The following ATXN10 variants were observed in gnomAD, a reference collection of about 807,000 sequenced individuals.
The protein encoded by ATXN10 is ataxin-10.
Under a neutral mutation model 52.9 loss-of-function variants are expected in ATXN10, and 28 were observed. That is an observed-to-expected ratio of 0.53 (90% CI 0.39 to 0.73). The LOEUF is 0.73. Among genes scored for constraint, ATXN10 ranks in the 30% least tolerant of loss-of-function variants. The pLI is 0.00. For missense variants in ATXN10, 565 were observed against 577.0 expected (o/e 0.98, Z 0.21); for synonymous variants, 226 against 221.5 (o/e 1.02, Z -0.18).
At chr22:45,764,561 T>C (rs1367475422) in intron 9 of ATXN10, among the ~76,000 whole-genome samples, 1 of 152,196 alleles carries the variant, frequency 6.6e-6, no homozygotes, top group African/African-American at 2.4e-5. Flanking sequence ...TCGTTGACTT[T>C]TTACCCCATC....
At chr22:45,694,630 A>G (rs1923519475) in intron 3 of ATXN10, among the ~76,000 whole-genome samples, 1 of 152,130 alleles carries the variant, frequency 6.6e-6, no homozygotes, top group African/African-American at 2.4e-5. Context: ...AAAAATACAA[A>G]AATTAGCTGG....
intron 9 of ATXN10, among the ~76,000 whole-genome samples, chr22:45,799,311 T>C (rs1246583144): frequency 6.6e-6 from 1 of 152,218 alleles, no homozygotes; most frequent in Non-Finnish European, 1.5e-5. Flanking sequence ...ATAGCTGTTA[T>C]GGGTTGAATT....
rs545676567 is a variant in ATXN10 at position 45,762,767 on chromosome 22, C to T, written c.1173+22229C>T. ...CCCAGCCATCTCTCCACATCCTCCCCTCCCTGCTGTGGAGCCCCCACTGAC... is the reference window on the plus strand; with the variant it reads ...CCCAGCCATCTCTCCACATCCTCCCTTCCCTGCTGTGGAGCCCCCACTGAC... On this transcript the variant is annotated intron_variant, in intron 9 of 11. Transcript: ENST00000252934. The surrounding 1 kb of genome is among the most constrained non-coding windows in gnomAD (Gnocchi z 4.3). 2.6e-5 allele frequency among the ~76,000 whole-genome samples: 4 copies of T among 152,234 alleles called. No homozygotes were observed. The highest frequency in any genetic ancestry group is 4.4e-5 in the Non-Finnish European group (3 of 68,036).
chr22:45,814,673 C>T (rs1460657318), intron 10 of ATXN10, among the ~76,000 whole-genome samples: 1 of 152,228 alleles, frequency 6.6e-6, no homozygotes, highest in East Asian at 1.9e-4. Context: ...CTCATCCCCT[C>T]AGCCGCAGAC....
rs915178115 is a variant in ATXN10 at position 45,763,036 on chromosome 22, C to T, written c.1173+22498C>T. ...AAGAAGCGCTTTGTAAAGCCATGGC[C>T]TCTCCTGCGCAAAGAACTGCGTGGT... On this transcript the variant is annotated intron_variant, in intron 9 of 11. Coordinates refer to ENST00000252934, the MANE Select transcript of ATXN10 (RefSeq NM_013236.4). This position sits in a 1 kb window ranked among gnomAD's most constrained non-coding sequence, Gnocchi z 6.9. 2.6e-5 allele frequency among the ~76,000 whole-genome samples: 4 copies of T among 152,214 alleles called. No homozygotes were observed. Among genetic ancestry groups the T allele is most frequent in the Non-Finnish European group, 5.9e-5 (4 of 68,046 alleles).
chr22:45,672,193 C>T lies in ATXN10; in HGVS notation c.116+14C>T, dbSNP rs557290526. On this transcript the variant is annotated intron_variant, in intron 1 of 11. Coordinates refer to ENST00000252934, the MANE Select transcript of ATXN10 (RefSeq NM_013236.4). ...GCAGCGGAACCGGTAACGGGTCCGG[C>T]CGGGGGGCTGCCCCGGGCAGGGGAG... 9.2e-5 allele frequency: 140 copies of T among 1,524,132 alleles called. No homozygotes were observed. Among genetic ancestry groups the T allele is most frequent in the Admixed American group, 3.4e-4 (17 of 50,176 alleles). The allele number at this position is 1,524,132 out of a possible 1,614,324, so 94.4% of individuals were successfully genotyped here.
intron 1 of ATXN10, chr22:45,680,229 C>T (rs1477540320): frequency 6.6e-6 from 1 of 152,194 alleles, no homozygotes; most frequent in African/African-American, 2.4e-5. Context: ...CAGTGTCTGG[C>T]ACCTAATAGA....
At chr22:45,751,763 A>AAAAAAAAAAAATAATAATAAT in intron 9 of ATXN10, among the ~76,000 whole-genome samples, 19 of 66,606 alleles carry the variant, frequency 2.9e-4, no homozygotes, top group South Asian at 7.5e-4. Flanking sequence ...AATAAAAAAA[A>AAAAAAAAAAAATAATAATAAT]AATAATAATA....
chr22:45,735,905 A>G (rs2146797039), intron 7 of ATXN10, among the ~76,000 whole-genome samples: 1 of 141,478 alleles, frequency 7.1e-6, no homozygotes, highest in Admixed American at 7.5e-5. Flanking sequence ...CATTTTACTC[A>G]TTAATCTTAT....
chr22:45,759,561 G>A lies in ATXN10; in HGVS notation c.1173+19023G>A, dbSNP rs566956989. ...GCAGTCTGATCAGGGTGAGGGTTCC[G>A]TACTCTTCTTGTGCCATGAAGCAGG... is the stretch of plus-strand genomic sequence containing the variant. On this transcript the variant is annotated intron_variant, in intron 9 of 11. Transcript: ENST00000252934. The surrounding 1 kb of genome is among the most constrained non-coding windows in gnomAD (Gnocchi z 5.4). Among the ~76,000 whole-genome samples, 102 of 152,212 alleles carry A rather than the reference G, an allele frequency of 6.7e-4. No individual in the cohort carries two copies. Among genetic ancestry groups the A allele is most frequent in the African/African-American group, 2.2e-3 (93 of 41,540 alleles).
At chr22:45,743,395 T>TC (rs1228763484) in intron 9 of ATXN10, among the ~76,000 whole-genome samples, 1 of 152,238 alleles carries the variant, frequency 6.6e-6, no homozygotes, top group African/African-American at 2.4e-5. Context: ...AAATCCTTGT[T>TC]CCAGCTGGGT....
At chr22:45,797,696 A>T (rs905056750) in intron 9 of ATXN10, among the ~76,000 whole-genome samples, 2 of 152,210 alleles carry the variant, frequency 1.3e-5, no homozygotes, top group Non-Finnish European at 2.9e-5. Flanking sequence ...AAAGATAAGA[A>T]TGGAAATCTT....
intron 5 of ATXN10, among the ~76,000 whole-genome samples, chr22:45,716,525 C>T (rs1195203812): frequency 6.6e-6 from 1 of 151,636 alleles, no homozygotes; most frequent in Non-Finnish European, 1.5e-5. Flanking sequence ...TTTTTGGTAG[C>T]GATGGGGTTT....
At chr22:45,679,957 T>G (rs2146725807) in intron 1 of ATXN10, 1 of 152,364 alleles carries the variant, frequency 6.6e-6, no homozygotes, top group Middle Eastern at 3.4e-3. Flanking sequence ...GTTAGGATTG[T>G]GACCACCAGT....
At chr22:45,832,771 TAGAAA>T (rs572105619) in intron 10 of ATXN10, among the ~76,000 whole-genome samples, 7 of 152,356 alleles carry the variant, frequency 4.6e-5, no homozygotes, top group Middle Eastern at 3.4e-3. Flanking sequence ...GTGTTGTTCA[TAGAAA>T]AGAGGAAAAC....
In ATXN10 at chr22:45,775,341, T is replaced by C. The variant is rs1198433433; in HGVS notation, c.1174-31618T>C. Among the ~76,000 whole-genome samples the C allele has an allele frequency of 6.6e-6, 1 of 152,218 alleles. No individual in the cohort carries two copies. Among genetic ancestry groups the C allele is most frequent in the Non-Finnish European group, 1.5e-5 (1 of 68,028 alleles). ...CCTGTTAGCTGAGGTGCACCCTCTC[T>C]TAAGTGGCTTCATGGAGATTTTGTA... On this transcript the variant is annotated intron_variant, in intron 9 of 11. Transcript: ENST00000252934. This position sits in a 1 kb window ranked among gnomAD's most constrained non-coding sequence, Gnocchi z 4.7.
Position 45,783,237 on chromosome 22 carries a change from G to T in ATXN10, c.1174-23722G>T, listed in dbSNP as rs1226322900. On this transcript the variant is annotated intron_variant, in intron 9 of 11. Coordinates refer to ENST00000252934, the MANE Select transcript of ATXN10 (RefSeq NM_013236.4). This position sits in a 1 kb window ranked among gnomAD's most constrained non-coding sequence, Gnocchi z 5.0. The stretch of plus-strand genomic sequence containing the variant: ...TGGCTGGGGAGCATAAATAGTGTGG[G>T]TGTGCTGGACAAGGGAGGATTCAAG... Among the ~76,000 whole-genome samples the T allele has an allele frequency of 3.3e-5, 5 of 152,182 alleles. No homozygotes were observed. The highest frequency in any genetic ancestry group is 3.3e-4 in the Admixed American group (5 of 15,280).
intron 10 of ATXN10, among the ~76,000 whole-genome samples, chr22:45,821,959 A>G (rs1035154825): frequency 2.6e-5 from 4 of 152,278 alleles, no homozygotes; most frequent in Admixed American, 1.3e-4. Flanking sequence ...TGAGGAATCC[A>G]TCTAGTCCTC....
chr22:45,695,781 C>T (rs535538869), intron 3 of ATXN10, among the ~76,000 whole-genome samples: 6 of 152,102 alleles, frequency 3.9e-5, no homozygotes, highest in East Asian at 1.9e-4. Flanking sequence ...CATGAACCAC[C>T]GCACCTGGCC....
Sources: gnomAD v4.1 joint callset for allele counts (sites outside exome capture counted in the v4.1 genomes callset) on GRCh38, gnomAD v4.1.1 for gene constraint, Gnocchi (gnomAD v3.1) non-coding constraint, MANE v1.5 for transcripts, NCBI Gene and HGNC (gene_info 2026-07-23, HGNC 2026-07-21) for gene names.